ZZZ3: variants seen among roughly 807,000 people sequenced by gnomAD.
ZZZ3 encodes the protein ZZ-type zinc finger-containing protein 3.
ZZZ3 carries 22 observed loss-of-function variants against 95.2 expected under a neutral mutation model. The ratio of observed to expected loss-of-function variants is 0.23; its 90% CI spans 0.17 to 0.33. The LOEUF is 0.33. ZZZ3 is among the 10% of genes least tolerant of loss of function. The pLI, the probability that ZZZ3 is intolerant of heterozygous loss-of-function variation, is 1.00. For synonymous variants in ZZZ3, 335 were observed against 358.9 expected, an observed-to-expected ratio of 0.93 and a Z score of 0.75; for missense variants, 885 against 1,066.5, an observed-to-expected ratio of 0.83 and a Z score of 2.37.
intron 5 of ZZZ3, among the ~76,000 whole-genome samples, chr1:77,618,373 G>A (rs1002278757): frequency 2.6e-5 from 4 of 151,160 alleles, no homozygotes; most frequent in African/African-American, 7.3e-5. Flanking sequence ...CTGTGACGAG[G>A]CTCTGGGAAT....
At chr1:77,669,763 C>T (rs967044806) in intron 1 of ZZZ3, among the ~76,000 whole-genome samples, 1 of 151,730 alleles carries the variant, frequency 6.6e-6, no homozygotes, top group South Asian at 2.1e-4. Context: ...CCGGCCTCTC[C>T]GTTTCTTAAA....
intron 4 of ZZZ3, among the ~76,000 whole-genome samples, chr1:77,634,864 A>C (rs1463738098): frequency 1.3e-5 from 2 of 152,188 alleles, no homozygotes; most frequent in African/African-American, 4.8e-5. Flanking sequence ...TCTTCTGTTT[A>C]GTTTTCACAA....
chr1:77,639,664 T>C, intron 3 of ZZZ3, 62 bp from the exon 4 acceptor site: 1 of 391,484 alleles, frequency 2.6e-6, no homozygotes. Context: ...GCTAATAGAT[T>C]TACTCCTTCT....
At chr1:77,671,671 G>C (rs1308903136) in intron 1 of ZZZ3, among the ~76,000 whole-genome samples, 1 of 152,226 alleles carries the variant, frequency 6.6e-6, no homozygotes, top group East Asian at 1.9e-4. Flanking sequence ...ATAATGAATA[G>C]AGTATCTAGC....
intron 1 of ZZZ3, among the ~76,000 whole-genome samples, chr1:77,660,205 A>G (rs139395759): frequency 1.3e-5 from 2 of 152,188 alleles, no homozygotes; most frequent in African/African-American, 4.8e-5. Context: ...CCCCTCCCCA[A>G]TATTTTTTTT....
At chr1:77,607,450 ATT>A (rs1260437617) in intron 5 of ZZZ3, among the ~76,000 whole-genome samples, 1 of 152,172 alleles carries the variant, frequency 6.6e-6, no homozygotes, top group African/African-American at 2.4e-5. Flanking sequence ...TCAAGATATC[ATT>A]GAGAAAGAAT....
chr1:77,623,175 T>A (rs1667039121), intron 5 of ZZZ3, among the ~76,000 whole-genome samples: 1 of 152,172 alleles, frequency 6.6e-6, no homozygotes, highest in Non-Finnish European at 1.5e-5. Context: ...ACCCTCTCTT[T>A]CTACTTGGAA....
chr1:77,598,698 A>C (rs1034368564), intron 5 of ZZZ3, among the ~76,000 whole-genome samples: 1 of 152,102 alleles, frequency 6.6e-6, no homozygotes, highest in African/African-American at 2.4e-5. Flanking sequence ...TCATGCCACC[A>C]GTTCCGGAAC....
At chr1:77,615,418 G>C (rs1434459627) in intron 5 of ZZZ3, among the ~76,000 whole-genome samples, 2 of 152,174 alleles carry the variant, frequency 1.3e-5, no homozygotes, top group Non-Finnish European at 2.9e-5. Context: ...TTGGCATCTA[G>C]CTTCAACAAT....
chr1:77,623,539 C>A (rs987513386), intron 5 of ZZZ3, among the ~76,000 whole-genome samples: 1 of 152,074 alleles, frequency 6.6e-6, no homozygotes, highest in Non-Finnish European at 1.5e-5. Flanking sequence ...GAAGGCTAAC[C>A]GAGATCTAGA....
At chr1:77,645,062 GA>G (rs927526181) in intron 1 of ZZZ3, among the ~76,000 whole-genome samples, 4 of 147,726 alleles carry the variant, frequency 2.7e-5, no homozygotes, top group Admixed American at 1.4e-4. Context: ...TGTCTCTACA[GA>G]AAAAAAAAAT....
In ZZZ3 at chr1:77,608,501, A is replaced by C. The variant is rs1057514919; in HGVS notation, c.1505+23349T>G. Among the ~76,000 whole-genome samples, 4 of 152,374 alleles carry C rather than the reference A, an allele frequency of 2.6e-5. No homozygotes were observed. In the East Asian group the frequency reaches 7.7e-4, roughly 29 times the overall value. ...CAGACCTGTCCTACAAGAAATGCTAAAGGAAGTACTTCAATCAGAAAGAAA... is the reference window on the plus strand; with the variant it reads ...CAGACCTGTCCTACAAGAAATGCTACAGGAAGTACTTCAATCAGAAAGAAA... On this transcript the variant is annotated intron_variant, in intron 5 of 14. Coordinates refer to ENST00000370801, the MANE Select transcript of ZZZ3 (RefSeq NM_015534.6).
intron 5 of ZZZ3, among the ~76,000 whole-genome samples, chr1:77,590,772 G>C (rs1036349206): frequency 5.3e-5 from 8 of 152,196 alleles, no homozygotes; most frequent in African/African-American, 1.7e-4. Context: ...GGTATTTAAA[G>C]TTATACAGGG....
At chr1:77,574,918 G>T (rs1186882853) in intron 12 of ZZZ3, among the ~76,000 whole-genome samples, 1 of 152,200 alleles carries the variant, frequency 6.6e-6, no homozygotes, top group East Asian at 1.9e-4. Context: ...AGGCATGGTG[G>T]CTCACGCCTA....
At chr1:77,581,946 T>A in intron 7 of ZZZ3, 33 bp downstream of exon 7, 1 of 1,602,648 alleles carries the variant, frequency 6.2e-7, no homozygotes, top group Admixed American at 1.7e-5. Context: ...CCAGATATTT[T>A]TCTACTTAAA....
chr1:77,617,513 T>C (rs1049421014), intron 5 of ZZZ3, among the ~76,000 whole-genome samples: 1 of 152,220 alleles, frequency 6.6e-6, no homozygotes. Flanking sequence ...GTTTTGTGTA[T>C]CCATTCATCA....
intron 5 of ZZZ3, among the ~76,000 whole-genome samples, chr1:77,589,151 A>G (rs771661135): frequency 6.6e-5 from 10 of 152,194 alleles, no homozygotes; most frequent in Non-Finnish European, 1.5e-4. Context: ...TGTTGGGATT[A>G]TAGGCGTGAG....
intron 4 of ZZZ3, among the ~76,000 whole-genome samples, chr1:77,637,514 A>G (rs1426898540): frequency 6.6e-6 from 1 of 152,210 alleles, no homozygotes; most frequent in Admixed American, 6.5e-5. Context: ...GTTAATAAAA[A>G]GGGACCAAAA....
At position 77,632,392 on chromosome 1, in the gene ZZZ3, C is replaced by A; in HGVS notation, c.963G>T (p.Val321=). Residue 321 remains valine, a synonymous_variant, in exon 5 of 15, where the codon GTG becomes GTT. Transcript: ENST00000370801. The part of the protein sequence containing the change: ...LRDSEEEVDV[V]GDSSASKEQC... ...GCTCTTTTGAGGCACTGCTATCTCC[C>A]ACCACATCTACTTCCTCCTCAGAAT... 2 of 1,613,996 alleles carry A rather than the reference C, an allele frequency of 1.2e-6. No individual in the cohort carries two copies. The highest frequency in any genetic ancestry group is 8.5e-7 in the Non-Finnish European group (1 of 1,179,932).
Sources: allele counts gnomAD v4.1 joint callset (sites outside exome capture counted in the v4.1 genomes callset), GRCh38; gene constraint gnomAD v4.1.1; transcripts MANE v1.5; gene names NCBI Gene and HGNC (gene_info 2026-07-23, HGNC 2026-07-21).